The following PUM2 variants were observed in gnomAD, a reference collection of about 807,000 sequenced individuals.
PUM2 encodes the protein pumilio RNA binding family member 2, also known as pumilio homolog 2.
In PUM2, 57 loss-of-function variants were observed where a neutral mutation model predicts 124.5. That is an observed-to-expected ratio of 0.46 (90% CI 0.37 to 0.57). The LOEUF is 0.57. Among genes scored for constraint, PUM2 ranks in the 20% least tolerant of loss-of-function variants. PUM2 has a pLI of 0.00. For synonymous variants in PUM2, 460 were observed against 446.1 expected (o/e 1.03, Z -0.39); for missense variants, 1,065 against 1,290.6 (o/e 0.83, Z 2.68).
intron 16 of PUM2, among the ~76,000 whole-genome samples, chr2:20,256,649 G>A (rs62123438): frequency 0.035 from 5,291 of 152,264 alleles, 88 homozygotes; most frequent in Middle Eastern, 0.068. Context: ...CTAAGAAGTT[G>A]ATGACTACTT....
At chr2:20,271,512 C>T in intron 13 of PUM2, among the ~76,000 whole-genome samples, 1 of 152,122 alleles carries the variant, frequency 6.6e-6, no homozygotes, top group East Asian at 1.9e-4. Flanking sequence ...CGGGGTTTCG[C>T]CACATTGCCC....
chr2:20,268,474 T>C lies in PUM2; in HGVS notation c.1958-5014A>G, dbSNP rs1209253982. 3.9e-5 allele frequency among the ~76,000 whole-genome samples: 6 copies of C among 152,060 alleles called. No homozygotes were observed. The East Asian group carries it at 1.2e-3, about 29-fold the overall frequency. On this transcript the variant is annotated intron_variant, in intron 13 of 20. Transcript: ENST00000361078. The stretch of plus-strand genomic sequence containing the variant: ...TATATGTATGTGTAAAAAAATTAGC[T>C]GGGTGTGGTGGCGTACGCCTGTAGT...
intron 3 of PUM2, 22 bp downstream of exon 3, chr2:20,318,515 C>T (rs1268132232): frequency 6.4e-7 from 1 of 1,554,008 alleles, no homozygotes; most frequent in Non-Finnish European, 8.8e-7. Context: ...TCACAATTCT[C>T]ACACATATAC....
At chr2:20,329,418 C>G (rs181961995) in intron 1 of PUM2, among the ~76,000 whole-genome samples, 1 of 137,272 alleles carries the variant, frequency 7.3e-6, no homozygotes, top group African/African-American at 2.8e-5. Flanking sequence ...GGTAATAGAA[C>G]GAGAGCCCCC....
intron 1 of PUM2, among the ~76,000 whole-genome samples, chr2:20,332,249 C>T (rs1235078480): frequency 6.7e-6 from 1 of 150,366 alleles, no homozygotes; most frequent in Non-Finnish European, 1.5e-5. Context: ...AGCATTAGGG[C>T]TTTGCTTTCA....
chr2:20,336,512 A>G (rs1394923185), intron 1 of PUM2, among the ~76,000 whole-genome samples: 4 of 150,946 alleles, frequency 2.6e-5, no homozygotes, highest in African/African-American at 9.8e-5. Flanking sequence ...AAAGTTAAAG[A>G]TATAATTTTT....
At chr2:20,286,813 C>T (rs1435718954) in intron 10 of PUM2, among the ~76,000 whole-genome samples, 1 of 151,876 alleles carries the variant, frequency 6.6e-6, no homozygotes, top group Non-Finnish European at 1.5e-5. Context: ...TGTTTTTGTT[C>T]TAATCCACAA....
chr2:20,254,894 C>T lies in PUM2; in HGVS notation c.2839G>A (p.Val947Ile). The change falls in exon 19 of 21, where the codon GTT becomes ATT. Residue 947 changes from valine to isoleucine, a missense_variant. Transcript: ENST00000361078. ...AATTTGTGTTGACTCAGGGCTAAAA[C>T]CTTTCCCCTGATTTCGGAAACAATT... ...SKIVSEIRGK[V>I]LALSQHKFAS... 2 of 1,613,960 alleles carry T rather than the reference C, an allele frequency of 1.2e-6. No individual in the cohort carries two copies. The highest frequency in any genetic ancestry group is 1.3e-5 in the African/African-American group (1 of 75,024).
intron 1 of PUM2, among the ~76,000 whole-genome samples, chr2:20,347,452 G>C (rs1015117474): frequency 6.6e-6 from 1 of 152,022 alleles, no homozygotes; most frequent in Non-Finnish European, 1.5e-5. Context: ...CATTTATCAC[G>C]CACCTACCTA....
At chr2:20,255,379 G>A (rs759978543) in intron 17 of PUM2, 38 bp from the exon 18 acceptor site, 1 of 1,581,582 alleles carries the variant, frequency 6.3e-7, no homozygotes, top group East Asian at 2.3e-5. Context: ...TGTATTCTCT[G>A]ACATTTTTGA....
At chr2:20,282,819 A>G in intron 12 of PUM2, 128 bp downstream of exon 12, 1 of 1,079,876 alleles carries the variant, frequency 9.3e-7, no homozygotes. Flanking sequence ...CTACAAATTA[A>G]ACCAGTAGTC....
chr2:20,283,818 G>C (rs922732464), intron 10 of PUM2, among the ~76,000 whole-genome samples: 4 of 152,074 alleles, frequency 2.6e-5, no homozygotes, highest in Non-Finnish European at 5.9e-5. Context: ...GAAGAAGAAG[G>C]ATTAAAAAAA....
chr2:20,261,973 T>C (rs62123441), intron 14 of PUM2, among the ~76,000 whole-genome samples: 5,388 of 152,196 alleles, frequency 0.035, 94 homozygotes, highest in Middle Eastern at 0.068. Flanking sequence ...TGCGTGCCTG[T>C]AGTCCCAGCT....
At chr2:20,265,441 G>C (rs1247365504) in intron 13 of PUM2, among the ~76,000 whole-genome samples, 1 of 152,056 alleles carries the variant, frequency 6.6e-6, no homozygotes, top group Non-Finnish European at 1.5e-5. Flanking sequence ...ATTTGTTTAC[G>C]TATTTCTAAC....
chr2:20,351,466 T>C (rs1189162408), upstream of PUM2, among the ~76,000 whole-genome samples: 4 of 152,228 alleles, frequency 2.6e-5, no homozygotes. Flanking sequence ...CCCCCAGTGC[T>C]TGGTCCCGGT....
chr2:20,299,902 G>C (rs1286194179), intron 7 of PUM2, among the ~76,000 whole-genome samples: 1 of 152,130 alleles, frequency 6.6e-6, no homozygotes, highest in African/African-American at 2.4e-5. Context: ...AAATTTTCTG[G>C]TTGACAAATT....
chr2:20,307,680 T>C (rs1003653931), intron 7 of PUM2, among the ~76,000 whole-genome samples: 11 of 152,240 alleles, frequency 7.2e-5, no homozygotes, highest in Non-Finnish European at 1.3e-4. Flanking sequence ...GACTTGATAA[T>C]GGACACAAGT....
chr2:20,338,935 C>T (rs577475167), intron 1 of PUM2, among the ~76,000 whole-genome samples: 1 of 152,172 alleles, frequency 6.6e-6, no homozygotes, highest in South Asian at 2.1e-4. Flanking sequence ...GAATGTTTTC[C>T]ACACACTAGT....
chr2:20,326,639 A>G (rs1354881698), intron 2 of PUM2, among the ~76,000 whole-genome samples: 1 of 152,230 alleles, frequency 6.6e-6, no homozygotes, highest in Non-Finnish European at 1.5e-5. Flanking sequence ...TAAAATATAT[A>G]ATGATGAGGT....
Sources: gnomAD v4.1 joint callset for allele counts (sites outside exome capture counted in the v4.1 genomes callset) on GRCh38, gnomAD v4.1.1 for gene constraint, MANE v1.5 for transcripts, NCBI Gene and HGNC (gene_info 2026-07-23, HGNC 2026-07-21) for gene names.